The following APOL5 variants were observed in gnomAD, a reference collection of about 807,000 sequenced individuals.
APOL5 encodes the protein apolipoprotein L5.
A neutral mutation model predicts 35.5 loss-of-function variants in APOL5; 29 were observed. The observed-to-expected ratio is 0.82, with a 90% CI of 0.61 to 1.11. The LOEUF (loss-of-function observed/expected upper bound fraction) is 1.11, where lower values mean the gene tolerates loss of function less well. Among genes scored for constraint, APOL5 ranks in the 50% most tolerant of loss-of-function variants. The probability of loss-of-function intolerance (pLI) is 0.00; values close to 1 mark genes in which losing one functional copy is unlikely to be tolerated. For synonymous variants in APOL5, 188 were observed against 200.2 expected, an observed-to-expected ratio of 0.94 and a Z score of 0.51; for missense variants, 514 against 530.4, an observed-to-expected ratio of 0.97 and a Z score of 0.30.
chr22:35,717,235 A>AAAAAAAATATAT, upstream of APOL5, among the ~76,000 whole-genome samples: 5 of 57,658 alleles, frequency 8.7e-5, no homozygotes, highest in Admixed American at 7.0e-4. Flanking sequence ...AAAAAAAAAA[A>AAAAAAAATATAT]ATATATATAT....
At chr22:35,713,603 T>C (rs1926653181), upstream of APOL5, among the ~76,000 whole-genome samples, 1 of 152,224 alleles carries the variant, frequency 6.6e-6, no homozygotes, top group Non-Finnish European at 1.5e-5. Context: ...TCTGAATGAC[T>C]GTGGGGTCGG....
intron 2 of APOL5, 93 bp downstream of exon 2, chr22:35,720,747 G>T: frequency 1.0e-6 from 1 of 952,636 alleles, no homozygotes; most frequent in Non-Finnish European, 1.6e-6. Flanking sequence ...TGAGTATTTG[G>T]GTTTTGTTTT....
chr22:35,728,553 A>G (rs1419716669), intron 3 of APOL5, among the ~76,000 whole-genome samples, 170 bp from the exon 4 acceptor site: 1 of 152,204 alleles, frequency 6.6e-6, no homozygotes, highest in Non-Finnish European at 1.5e-5. Context: ...ATCTCCAGGT[A>G]ATTCTGCGGT....
At chr22:35,724,758 C>T (rs551570897) in intron 2 of APOL5, among the ~76,000 whole-genome samples, 60 of 152,094 alleles carry the variant, frequency 3.9e-4, no homozygotes, top group African/African-American at 1.2e-3. Flanking sequence ...CTACAGGCGC[C>T]CACTACCGTG....
intron 1 of APOL5, among the ~76,000 whole-genome samples, chr22:35,718,888 A>G (rs1926858512): frequency 6.6e-6 from 1 of 151,968 alleles, no homozygotes; most frequent in Admixed American, 6.6e-5. Context: ...TGAAACCCCC[A>G]TCTCTACTAC....
upstream of APOL5, among the ~76,000 whole-genome samples, chr22:35,716,867 C>T (rs1277000237): frequency 2.0e-5 from 3 of 151,102 alleles, no homozygotes; most frequent in African/African-American, 7.3e-5. Context: ...TTCCTTTTCA[C>T]ATCCATAAAC....
At chr22:35,712,464 C>A in the APOL5 span, among the ~76,000 whole-genome samples, 1 of 152,064 alleles carries the variant, frequency 6.6e-6, no homozygotes, top group Non-Finnish European at 1.5e-5. Flanking sequence ...GTGATCCTCC[C>A]ACCTTAGCCT....
At chr22:35,712,741 G>A in the APOL5 span, among the ~76,000 whole-genome samples, 1 of 152,124 alleles carries the variant, frequency 6.6e-6, no homozygotes, top group South Asian at 2.1e-4. Flanking sequence ...AAAAAGCCAG[G>A]GCTGTGTTCT....
At chr22:35,714,963 A>C (rs371401167), upstream of APOL5, among the ~76,000 whole-genome samples, 1 of 152,228 alleles carries the variant, frequency 6.6e-6, no homozygotes, top group Non-Finnish European at 1.5e-5. Flanking sequence ...TCTCAGTGTG[A>C]TATTCTGAGC....
At chr22:35,708,895 C>A in the APOL5 span, among the ~76,000 whole-genome samples, 736 of 152,282 alleles carry the variant, frequency 4.8e-3, 4 homozygotes, top group Middle Eastern at 0.017. Context: ...AGGTAGCTAC[C>A]CTGCGCCCAC....
intron 3 of APOL5, 46 bp from the exon 4 acceptor site, chr22:35,728,677 A>G: frequency 6.3e-7 from 1 of 1,588,694 alleles, no homozygotes; most frequent in African/African-American, 1.4e-5. Context: ...CCAGGGGCAG[A>G]TCTCTTTCTT....
chr22:35,720,890 C>CAT (rs1926950693), intron 2 of APOL5, among the ~76,000 whole-genome samples: 1 of 152,054 alleles, frequency 6.6e-6, no homozygotes, highest in Admixed American at 6.6e-5. Flanking sequence ...GGATTACAGG[C>CAT]GCCCGCCACC....
rs35709397 is a variant in APOL5, at chr22:35,720,876, G to A, written c.142+222G>A. On this transcript the variant is annotated intron_variant, in intron 2 of 4. Transcript: ENST00000249044. ...TTCTCCTGCCTCAGCCTCACGAGTA[G>A]CTGGGATTACAGGCGCCCGCCACCA... is the stretch of plus-strand genomic sequence containing the variant. 0.26 allele frequency among the ~76,000 whole-genome samples: 40,130 copies of A among 151,998 alleles called. 5,809 individuals carry two copies. Among genetic ancestry groups the A allele is most frequent in the Middle Eastern group, 0.33 (97 of 292 alleles).
intron 3 of APOL5, 151 bp downstream of exon 3, chr22:35,727,345 T>A (rs1927208663): frequency 1.1e-5 from 13 of 1,144,296 alleles, no homozygotes; most frequent in Admixed American, 2.8e-5. Context: ...CCCCTGACAT[T>A]AACTAGGCGC....
chr22:35,710,834 G>A, the APOL5 span, among the ~76,000 whole-genome samples: 4 of 152,154 alleles, frequency 2.6e-5, no homozygotes, highest in African/African-American at 4.8e-5. Context: ...TCACCTAGCA[G>A]AATGTCTTTA....
In APOL5 at chr22:35,727,115, C is replaced by T. The variant is rs1194862618; in HGVS notation, c.1047C>T (p.His349=). 1 of 1,611,126 alleles carries T rather than the reference C, an allele frequency of 6.2e-7. No individual in the cohort carries two copies. The highest frequency in any genetic ancestry group is 8.5e-7 in the Non-Finnish European group (1 of 1,180,042). The change falls in exon 3 of 5, where the codon CAC becomes CAT. Residue 349 remains histidine (H), a synonymous_variant. Coordinates refer to ENST00000249044, the MANE Select transcript of APOL5 (RefSeq NM_030642.1). ...ELDRLTQHHR[H]LPQKASQTCS... ...ACCGGCTCACCCAGCACCACCGGCA[C>T]CTGCCGCAGAAGGCGAGCCAGACCT...
Position 35,728,864 on chromosome 22 carries a change from A to C in APOL5, c.1268A>C (p.Lys423Thr). The C allele has an allele frequency of 6.2e-7, 1 of 1,609,854 alleles. No homozygotes were observed. The highest frequency in any genetic ancestry group is 2.3e-5 in the East Asian group (1 of 44,422). The change falls in exon 4 of 5, where the codon AAG (lysine) becomes ACG (threonine). Residue 423 changes from lysine (K) to threonine (T), a missense_variant. By Grantham distance (78) the Lys-to-Thr change is moderately conservative (BLOSUM62 -1). This residue lies in a region of APOL5 where 238 missense variants were observed against 229.1 expected (regional missense o/e 1.04). Coordinates refer to ENST00000249044, the MANE Select transcript of APOL5 (RefSeq NM_030642.1). ...HQPAPPAPAR[K>T]GRQAPGRHRQ Reference sequence around the variant, plus strand: ...CCAGCCCCACCAGCACCAGCAAGAAAGGGGAGACAGGCCCCGGGAAGACAC... The same window carrying C: ...CCAGCCCCACCAGCACCAGCAAGAACGGGGAGACAGGCCCCGGGAAGACAC...
upstream of APOL5, among the ~76,000 whole-genome samples, chr22:35,713,020 T>C (rs966424799): frequency 1.1e-4 from 16 of 152,350 alleles, no homozygotes; most frequent in African/African-American, 3.8e-4. Context: ...CTGTACACCT[T>C]AGTCTTACTA....
chr22:35,720,895 G>A (rs1005890192), intron 2 of APOL5, among the ~76,000 whole-genome samples: 2 of 152,078 alleles, frequency 1.3e-5, no homozygotes, highest in Admixed American at 6.6e-5. Context: ...ACAGGCGCCC[G>A]CCACCACGCC....
Sources: gnomAD v4.1 joint callset for allele counts (sites outside exome capture counted in the v4.1 genomes callset) on GRCh38, gnomAD v4.1.1 for gene constraint, gnomAD v4.1.1 regional missense constraint, MANE v1.5 for transcripts, NCBI Gene and HGNC (gene_info 2026-07-23, HGNC 2026-07-21) for gene names.